HMGA2: variants seen among roughly 807,000 people sequenced by gnomAD.
HMGA2 encodes high mobility group protein HMGI-C.
A neutral mutation model predicts 19.1 loss-of-function variants in HMGA2; 8 were observed. The observed-to-expected ratio is 0.42, with a 90% CI of 0.25 to 0.76. HMGA2 has a LOEUF of 0.76. Among genes scored for constraint, HMGA2 ranks in the 30% least tolerant of loss-of-function variants. HMGA2 has a pLI of 0.28. For missense variants in HMGA2, 109 were observed against 136.3 expected, an observed-to-expected ratio of 0.80 and a Z score of 1.00; for synonymous variants, 60 against 48.8, an observed-to-expected ratio of 1.23 and a Z score of -0.96.
intron 3 of HMGA2, among the ~76,000 whole-genome samples, chr12:65,914,557 T>A (rs1846876546): frequency 6.6e-6 from 1 of 150,738 alleles, no homozygotes; most frequent in Non-Finnish European, 1.5e-5. Flanking sequence ...GACGAGTTAG[T>A]GGGTGCAGCG....
intron 3 of HMGA2, among the ~76,000 whole-genome samples, chr12:65,910,499 G>C (rs1353436746): frequency 6.6e-6 from 1 of 152,152 alleles, no homozygotes; most frequent in Non-Finnish European, 1.5e-5. Flanking sequence ...CAATGTTATA[G>C]ATTATTGAGT....
At chr12:65,947,123 C>CT (rs397969754) in intron 3 of HMGA2, among the ~76,000 whole-genome samples, 2,600 of 143,696 alleles carry the variant, frequency 0.018, 21 homozygotes, top group African/African-American at 0.02. Flanking sequence ...ATTCTCACCA[C>CT]TTTTTTTTTT....
intron 3 of HMGA2, among the ~76,000 whole-genome samples, chr12:65,854,450 C>G (rs1871629129): frequency 6.6e-6 from 1 of 152,186 alleles, no homozygotes; most frequent in Non-Finnish European, 1.5e-5. Flanking sequence ...GACATTCACA[C>G]AATCCATTCA....
At chr12:65,907,410 T>TAAAA (rs1874641624) in intron 3 of HMGA2, among the ~76,000 whole-genome samples, 1 of 79,098 alleles carries the variant, frequency 1.3e-5, no homozygotes, top group Non-Finnish European at 2.3e-5. Flanking sequence ...AGATTCCGTC[T>TAAAA]CAAAAAAAAA....
intron 3 of HMGA2, among the ~76,000 whole-genome samples, chr12:65,850,988 A>G (rs1237838639): frequency 6.6e-6 from 1 of 152,214 alleles, no homozygotes; most frequent in Non-Finnish European, 1.5e-5. Flanking sequence ...TAATGGTGAC[A>G]GAGAACATCT....
chr12:65,915,045 T>G (rs1294934625), intron 3 of HMGA2: 2 of 1,613,476 alleles, frequency 1.2e-6, no homozygotes, highest in Non-Finnish European at 1.7e-6. Context: ...CCCATCCTGA[T>G]GTCATATCCA....
In HMGA2 at chr12:65,825,684, T is replaced by TCGCCCAGTGACTGGAA. The variant is rs1870131094; in HGVS notation, c.111+304_111+319dup. Among the ~76,000 whole-genome samples, 2 of 151,894 alleles carry TCGCCCAGTGACTGGAA rather than the reference T, an allele frequency of 1.3e-5. No homozygotes were observed. Among genetic ancestry groups the TCGCCCAGTGACTGGAA allele is most frequent in the African/African-American group, 4.8e-5 (2 of 41,390 alleles). Reference sequence around the variant, plus strand: ...GTGCACGGCCCCGAGTGGCGCGGTGTCGCCCAGTGACTGGAAGCGACCGGG... The same window carrying TCGCCCAGTGACTGGAA: ...GTGCACGGCCCCGAGTGGCGCGGTGTCGCCCAGTGACTGGAACGCCCAGTGACTGGAAGCGACCGGG... On this transcript the variant is annotated intron_variant, in intron 1 of 4. Transcript: ENST00000403681. This position sits in a 1 kb window ranked among gnomAD's most constrained non-coding sequence, Gnocchi z 4.4.
intron 3 of HMGA2, among the ~76,000 whole-genome samples, chr12:65,861,596 AGGT>A (rs1872071757): frequency 6.7e-6 from 1 of 148,468 alleles, no homozygotes. Context: ...ATCTCGTTTT[AGGT>A]AATATTGATT....
At chr12:65,849,494 T>G (rs1871362325) in intron 3 of HMGA2, among the ~76,000 whole-genome samples, 1 of 152,224 alleles carries the variant, frequency 6.6e-6, no homozygotes, top group African/African-American at 2.4e-5. Flanking sequence ...TAAGAGAAAG[T>G]ATAGTTTGAT....
At chr12:65,833,314 G>A (rs575646746) in intron 2 of HMGA2, among the ~76,000 whole-genome samples, 2 of 152,080 alleles carry the variant, frequency 1.3e-5, no homozygotes, top group African/African-American at 4.8e-5. Flanking sequence ...GCAACTGAAG[G>A]AAATAAAATG....
At chr12:65,828,384 G>GGAGGA in intron 2 of HMGA2, 1 of 219,154 alleles carries the variant, frequency 4.6e-6, no homozygotes, top group South Asian at 6.9e-5. Context: ...GGGGGGGCGG[G>GGAGGA]ATGAAAATGA....
intron 3 of HMGA2, among the ~76,000 whole-genome samples, chr12:65,947,155 C>A (rs138268725): frequency 4.6e-5 from 7 of 151,712 alleles, no homozygotes; most frequent in African/African-American, 1.7e-4. Context: ...AGTCTTGCTC[C>A]GTCACCCAGG....
At chr12:65,881,620 G>A in intron 3 of HMGA2, 1 of 648,822 alleles carries the variant, frequency 1.5e-6, no homozygotes, top group Non-Finnish European at 2.8e-6. Context: ...GACCCAGAGG[G>A]AGCGAAGGAG....
At chr12:65,910,006 C>A (rs1196032482) in intron 3 of HMGA2, among the ~76,000 whole-genome samples, 4 of 151,934 alleles carry the variant, frequency 2.6e-5, no homozygotes, top group Non-Finnish European at 5.9e-5. Flanking sequence ...GTAAAAAGGG[C>A]AAATAAAGCT....
Position 65,825,210 on chromosome 12 carries a change from G to A in HMGA2, c.-61G>A. The A allele has an allele frequency of 7.1e-7, 1 of 1,414,872 alleles. No homozygotes were observed. The highest frequency in any genetic ancestry group is 9.6e-7 in the Non-Finnish European group (1 of 1,046,692). 87.6% of individuals were successfully genotyped at this position (1,414,872 alleles called of 1,614,324 possible). On this transcript the variant is annotated 5_prime_UTR_variant, in exon 1 of 5. Transcript: ENST00000403681. This position sits in a 1 kb window ranked among gnomAD's most constrained non-coding sequence, Gnocchi z 4.4. ...CACCTCATCTCCCGAAAGGTGCTGG[G>A]CAGCTCCGGGGCGGTCGAGGCGAAG...
intron 3 of HMGA2, among the ~76,000 whole-genome samples, chr12:65,886,365 T>TC (rs1172532620): frequency 7.5e-6 from 1 of 133,276 alleles, no homozygotes; most frequent in African/African-American, 2.8e-5. Flanking sequence ...TTTTCTCTCT[T>TC]TTTTTTTTTT....
chr12:65,891,448 C>A (rs529026131), intron 3 of HMGA2, among the ~76,000 whole-genome samples: 1 of 152,304 alleles, frequency 6.6e-6, no homozygotes, highest in South Asian at 2.1e-4. Flanking sequence ...CCCATTGTGA[C>A]ACTGGAGCAG....
intron 3 of HMGA2, chr12:65,851,599 C>T (rs770092923): frequency 2.8e-5 from 12 of 429,200 alleles, no homozygotes; most frequent in South Asian, 8.3e-5. Context: ...ACTCAGGAGG[C>T]GGAGTTTGGA....
In HMGA2 at chr12:65,964,638, G is replaced by T. The variant is rs1876855646; in HGVS notation, c.*1346G>T. 1 of 212,204 alleles carries T rather than the reference G, an allele frequency of 4.7e-6. No homozygotes were observed. The highest frequency in any genetic ancestry group is 5.9e-5 in the Admixed American group (1 of 17,036). The allele number at this position is 212,204 out of a possible 1,614,324, so 13.1% of individuals were successfully genotyped here. On this transcript the variant is annotated 3_prime_UTR_variant, in exon 5 of 5. Coordinates refer to ENST00000403681, the MANE Select transcript of HMGA2 (RefSeq NM_003483.6). ...TGCAAGAAAAAAACTTACTGGGTAG[G>T]TGATTCTAATCATCTGCAGTTCTTT...
Sources: allele counts gnomAD v4.1 joint callset (sites outside exome capture counted in the v4.1 genomes callset), GRCh38; gene constraint gnomAD v4.1.1; non-coding constraint Gnocchi (gnomAD v3.1); transcripts MANE v1.5; gene names NCBI Gene and HGNC (gene_info 2026-07-23, HGNC 2026-07-21).